The following CSGALNACT1 variants were observed in gnomAD, a reference collection of about 807,000 sequenced individuals.
CSGALNACT1 encodes the protein chondroitin sulfate N-acetylgalactosaminyltransferase 1, also known as beta4GalNAcT-1.
A neutral mutation model predicts 51.0 loss-of-function variants in CSGALNACT1; 52 were observed. That is an observed-to-expected ratio of 1.02 (90% CI 0.82 to 1.29). The LOEUF is 1.29. CSGALNACT1 is among the 50% of genes most tolerant of loss of function. The pLI is 0.00. For missense variants in CSGALNACT1, 935 were observed against 679.2 expected, an observed-to-expected ratio of 1.38 and a Z score of -4.19; for synonymous variants, 341 against 254.4, an observed-to-expected ratio of 1.34 and a Z score of -3.24.
intron 4 of CSGALNACT1, among the ~76,000 whole-genome samples, chr8:19,498,549 T>A (rs542868724): frequency 1.4e-4 from 21 of 151,964 alleles, no homozygotes; most frequent in African/African-American, 4.8e-4. Flanking sequence ...GTCCTTCCAA[T>A]TTGTGTACAA....
At chr8:19,626,302 G>T (rs2054448261) in intron 1 of CSGALNACT1, among the ~76,000 whole-genome samples, 1 of 151,972 alleles carries the variant, frequency 6.6e-6, no homozygotes, top group South Asian at 2.1e-4. Flanking sequence ...TTTTAACAAA[G>T]ATTTAAAAAG....
At chr8:19,633,170 C>G (rs1237306299) in intron 1 of CSGALNACT1, among the ~76,000 whole-genome samples, 1 of 152,068 alleles carries the variant, frequency 6.6e-6, no homozygotes. Flanking sequence ...ACAGGAGGTA[C>G]TTGATTATCC....
chr8:19,607,379 ATAAAG>A (rs1468406263), upstream of CSGALNACT1, among the ~76,000 whole-genome samples: 11 of 152,310 alleles, frequency 7.2e-5, no homozygotes, highest in East Asian at 3.9e-4. Flanking sequence ...TCTCTTGAAA[ATAAAG>A]TAAATTGCTT....
chr8:19,683,151 G>C (rs907902636), upstream of CSGALNACT1: 5 of 186,592 alleles, frequency 2.7e-5, no homozygotes, highest in African/African-American at 9.3e-5. Context: ...CTGTGCTATG[G>C]TTCAATCTGT....
At chr8:19,717,453 G>A (rs1414206422) in intron 1 of CSGALNACT1, among the ~76,000 whole-genome samples, 1 of 152,124 alleles carries the variant, frequency 6.6e-6, no homozygotes, top group Non-Finnish European at 1.5e-5. Context: ...ACCTTCCAAA[G>A]CAGTGAATTC....
chr8:19,728,549 T>C (rs2063525188), intron 1 of CSGALNACT1, among the ~76,000 whole-genome samples: 1 of 146,524 alleles, frequency 6.8e-6, no homozygotes, highest in Non-Finnish European at 1.5e-5. Context: ...AGACTTATAA[T>C]CCTATTTGCA....
chr8:19,535,442 A>C (rs2083550625), intron 3 of CSGALNACT1, among the ~76,000 whole-genome samples: 1 of 152,182 alleles, frequency 6.6e-6, no homozygotes, highest in African/African-American at 2.4e-5. Context: ...ATCTCTCTAT[A>C]AGGGGTGATT....
intron 5 of CSGALNACT1, among the ~76,000 whole-genome samples, chr8:19,450,105 A>AGGGGAAGAGGAG (rs2062846992): frequency 2.7e-5 from 1 of 36,724 alleles, no homozygotes; most frequent in Non-Finnish European, 5.2e-5. Flanking sequence ...GGGAGGAGGA[A>AGGGGAAGAGGAG]GGGGAAGAGG....
At position 19,619,731 on chromosome 8, in the gene CSGALNACT1, A is replaced by C. The variant is rs529654129; in HGVS notation, c.-543-17866T>G. 5.3e-5 allele frequency among the ~76,000 whole-genome samples: 8 copies of C among 152,338 alleles called. No individual in the cohort carries two copies. The East Asian group carries it at 1.5e-3, about 29-fold the overall frequency. ...TGAACACATTCGTGTCACAATAACA[A>C]AACAGTCCTGTCCTCAGACTTTGAG... is the stretch of plus-strand genomic sequence containing the variant. On this transcript the variant is annotated intron_variant, in intron 1 of 9. Transcript: ENST00000332246.
chr8:19,445,260 A>G (rs530039377), intron 5 of CSGALNACT1, among the ~76,000 whole-genome samples: 1 of 152,300 alleles, frequency 6.6e-6, no homozygotes, highest in South Asian at 2.1e-4. Context: ...GAATACAAGC[A>G]CACACACAGG....
intron 3 of CSGALNACT1, among the ~76,000 whole-genome samples, chr8:19,588,979 A>C (rs1404766827): frequency 7.2e-5 from 11 of 152,192 alleles, no homozygotes; most frequent in Non-Finnish European, 1.5e-4. Flanking sequence ...TGGTTGACAC[A>C]ATCACTGAGT....
chr8:19,725,282 A>G (rs534258392), intron 1 of CSGALNACT1, among the ~76,000 whole-genome samples: 5 of 152,330 alleles, frequency 3.3e-5, no homozygotes, highest in East Asian at 3.9e-4. Context: ...AGGCATAGCT[A>G]TAAGAATCTG....
chr8:19,541,689 C>T (rs1300855684), intron 3 of CSGALNACT1, among the ~76,000 whole-genome samples: 5 of 151,038 alleles, frequency 3.3e-5, no homozygotes, highest in African/African-American at 1.2e-4. Context: ...GCCTGAGCCA[C>T]TGCACCTGGC....
chr8:19,408,977 C>CACACACACACACACACACACAT (rs1319492249), intron 8 of CSGALNACT1, among the ~76,000 whole-genome samples: 1 of 151,672 alleles, frequency 6.6e-6, no homozygotes, highest in African/African-American at 2.4e-5. Context: ...CACACACACA[C>CACACACACACACACACACACAT]AATCAAAAAC....
intron 1 of CSGALNACT1, among the ~76,000 whole-genome samples, chr8:19,661,341 C>A (rs1190011617): frequency 6.6e-6 from 1 of 152,212 alleles, no homozygotes; most frequent in Non-Finnish European, 1.5e-5. Context: ...TCACCTACTG[C>A]TGTCACCTGG....
chr8:19,490,534 C>T (rs1321845885), intron 4 of CSGALNACT1, among the ~76,000 whole-genome samples: 1 of 152,212 alleles, frequency 6.6e-6, no homozygotes. Context: ...CCTCTGGTTC[C>T]ACCAAACTCT....
At chr8:19,637,189 G>C (rs569043728) in intron 1 of CSGALNACT1, among the ~76,000 whole-genome samples, 106 of 152,312 alleles carry the variant, frequency 7.0e-4, no homozygotes, top group African/African-American at 2.5e-3. Flanking sequence ...CTGGGCGATA[G>C]AGACTCCATC....
At chr8:19,587,607 G>T (rs1391571439) in intron 3 of CSGALNACT1, among the ~76,000 whole-genome samples, 2 of 152,152 alleles carry the variant, frequency 1.3e-5, no homozygotes, top group African/African-American at 2.4e-5. Context: ...ACATTTTCAT[G>T]TTCTTAGCAA....
At chr8:19,562,606 A>G (rs2041009843) in intron 3 of CSGALNACT1, among the ~76,000 whole-genome samples, 1 of 152,210 alleles carries the variant, frequency 6.6e-6, no homozygotes, top group African/African-American at 2.4e-5. Flanking sequence ...ACAACAAAAA[A>G]ATAAACAACC....
Sources: allele counts gnomAD v4.1 joint callset (sites outside exome capture counted in the v4.1 genomes callset), GRCh38; gene constraint gnomAD v4.1.1; transcripts MANE v1.5; gene names NCBI Gene and HGNC (gene_info 2026-07-23, HGNC 2026-07-21).